The following FAT1 variants were observed in gnomAD, a reference collection of about 807,000 sequenced individuals.
FAT1 encodes FAT atypical cadherin 1, also known as protocadherin Fat 1.
A neutral mutation model predicts 329.8 loss-of-function variants in FAT1; 171 were observed. That is an observed-to-expected ratio of 0.52 (90% CI 0.46 to 0.59). The LOEUF (loss-of-function observed/expected upper bound fraction) is 0.59. FAT1 is among the 20% of genes least tolerant of loss of function. FAT1 has a pLI of 0.00. For missense variants in FAT1, 5,672 were observed against 5,774.4 expected (o/e 0.98, Z 0.57); for synonymous variants, 2,233 against 2,228.6 (o/e 1.00, Z -0.06).
rs946092065 is a variant in FAT1, at chr4:186,708,792, G to C, written c.1036C>G (p.Gln346Glu). 29 of 1,613,864 alleles carry C rather than the reference G, an allele frequency of 1.8e-5. No homozygotes were observed. The highest frequency in any genetic ancestry group is 2.2e-5 in the Non-Finnish European group (26 of 1,179,884). Residue 346 changes from glutamine to glutamate, a missense_variant, in exon 2 of 27, where the codon CAG (glutamine) becomes GAG (glutamate). By Grantham distance (29) the Gln-to-Glu change is conservative (BLOSUM62 2). Around this residue, in one of 2 missense-constraint regions of FAT1, gnomAD observed 3,966 missense variants for 3,915.2 expected, o/e 1.01. Transcript: ENST00000441802. ...TGAATGACTTTAACAGAAGAGAACT[G>C]GGGCGGAGTTCCTTTATCTTTAGCC... The part of the protein sequence containing the change: ...LQAKDKGTPP[Q>E]FSSVKVIHVT...
intron 9 of FAT1, 52 bp downstream of exon 9, chr4:186,628,102 C>T (rs1740403725): frequency 6.4e-7 from 1 of 1,563,458 alleles, no homozygotes; most frequent in African/African-American, 1.4e-5. Flanking sequence ...AAAGTAGAAA[C>T]AGACTTTTAA....
At chr4:186,695,423 T>C (rs1292566730) in intron 2 of FAT1, among the ~76,000 whole-genome samples, 4 of 152,194 alleles carry the variant, frequency 2.6e-5, no homozygotes, top group African/African-American at 9.7e-5. Flanking sequence ...TGCTTTGTTG[T>C]TCTTATTCTT....
intron 14 of FAT1, among the ~76,000 whole-genome samples, chr4:186,610,645 A>T (rs1482469635): frequency 1.1e-5 from 1 of 91,672 alleles, no homozygotes; most frequent in Non-Finnish European, 2.4e-5. Flanking sequence ...AATTTATATA[A>T]TTTATATAAA....
At chr4:186,696,085 C>A (rs1271165331) in intron 2 of FAT1, among the ~76,000 whole-genome samples, 2 of 152,224 alleles carry the variant, frequency 1.3e-5, no homozygotes, top group Middle Eastern at 3.2e-3. Flanking sequence ...GCCACAGCGC[C>A]CGGCCATAGG....
In FAT1 at chr4:186,589,038, C is replaced by T. The variant is rs780458863; in HGVS notation, c.13321G>A (p.Asp4441Asn). Reference protein sequence around the residue: ...IESDFPPPPEDFPAADELPPL... With the variant: ...IESDFPPPPENFPAADELPPL... Reference sequence around the variant, plus strand: ...GGTAGCTCATCAGCTGCGGGGAAGTCTTCTGGGGGTGGAGGAAAATCACTT... The same window carrying T: ...GGTAGCTCATCAGCTGCGGGGAAGTTTTCTGGGGGTGGAGGAAAATCACTT... The change falls in exon 27 of 27, where the codon GAC (aspartate) becomes AAC (asparagine). Residue 4441 changes from aspartate to asparagine, a missense_variant. Asp to Asn is a conservative substitution (Grantham distance 23, BLOSUM62 1). Coordinates refer to ENST00000441802, the MANE Select transcript of FAT1 (RefSeq NM_005245.4). 1 of 1,613,870 alleles carries T rather than the reference C, an allele frequency of 6.2e-7. No homozygotes were observed.
At chr4:186,622,822 G>A (rs1458285174) in intron 9 of FAT1, among the ~76,000 whole-genome samples, 1 of 152,174 alleles carries the variant, frequency 6.6e-6, no homozygotes, top group Non-Finnish European at 1.5e-5. Context: ...CACCATCCCT[G>A]TCATAGCACA....
intron 11 of FAT1, 48 bp from the exon 12 acceptor site, chr4:186,614,392 G>T (rs1410795524): frequency 4.0e-6 from 5 of 1,244,046 alleles, no homozygotes; most frequent in Non-Finnish European, 5.5e-6. Context: ...TTAACAGGCA[G>T]CACAAACATC....
rs566652221 is a variant in FAT1, at chr4:186,673,441, G to C, written c.3266-9828C>G. On this transcript the variant is annotated intron_variant, in intron 2 of 26. Transcript: ENST00000441802. ...TGACAATGGATATTCTGGCAGCTTC[G>C]ATAACTAACACTGAAGTATTTATGT... Among the ~76,000 whole-genome samples the C allele has an allele frequency of 3.3e-5, 5 of 152,110 alleles. No individual in the cohort carries two copies. In the South Asian group the frequency reaches 1.0e-3, roughly 32 times the overall value.
At chr4:186,679,318 G>A (rs1743091712) in intron 2 of FAT1, among the ~76,000 whole-genome samples, 1 of 151,518 alleles carries the variant, frequency 6.6e-6, no homozygotes, top group Non-Finnish European at 1.5e-5. Flanking sequence ...TCGGGAGGCT[G>A]AGGCAGGAGA....
At chr4:186,627,701 T>C (rs1341931725) in intron 9 of FAT1, among the ~76,000 whole-genome samples, 1 of 152,170 alleles carries the variant, frequency 6.6e-6, no homozygotes, top group Non-Finnish European at 1.5e-5. Flanking sequence ...TTTCAGCCAA[T>C]TACAATGAGA....
At chr4:186,625,842 T>A (rs1434406119) in intron 9 of FAT1, among the ~76,000 whole-genome samples, 4 of 152,226 alleles carry the variant, frequency 2.6e-5, no homozygotes, top group African/African-American at 7.2e-5. Context: ...GTGGAACTTT[T>A]ACAAGACACG....
At chr4:186,682,586 A>G (rs1743281949) in intron 2 of FAT1, among the ~76,000 whole-genome samples, 1 of 151,752 alleles carries the variant, frequency 6.6e-6, no homozygotes, top group Admixed American at 6.6e-5. Flanking sequence ...ATGCATGAAG[A>G]CAGACTTTTT....
At position 186,708,928 on chromosome 4, in the gene FAT1, G is replaced by C. The variant is rs1561011056; in HGVS notation, c.900C>G (p.Leu300=). 2.5e-6 allele frequency: 4 copies of C among 1,613,942 alleles called. No homozygotes were observed. The highest frequency in any genetic ancestry group is 3.4e-6 in the Non-Finnish European group (4 of 1,179,882). The part of the protein sequence containing the change: ...ASLSIVAGDL[L]QQFRTVRSFP... ...AGGACCTCACTGTTCTAAACTGCTG[G>C]AGAAGGTCACCTGCCACGATGCTTA... is the stretch of plus-strand genomic sequence containing the variant. The change falls in exon 2 of 27, where the codon CTC becomes CTG. Residue 300 remains leucine (L), a synonymous_variant. Transcript: ENST00000441802.
Position 186,617,119 on chromosome 4 carries a change from T to G in FAT1, c.8961A>C (p.Glu2987Asp), listed in dbSNP as rs1415520907. ...KVYVKKPLDR[E>D]KRDNYLLTIT... is the part of the protein sequence containing the mutation. ...TAGTAAGAAGGTAATTGTCCCTTTT[T>G]TCCCTGTCTAGAGGTTTCTTCACAT... The change falls in exon 11 of 27, where the codon GAA (glutamate) becomes GAC (aspartate). Residue 2987 changes from glutamate (E) to aspartate (D), a missense_variant. Around this residue, in one of 2 missense-constraint regions of FAT1, gnomAD observed 3,966 missense variants for 3,915.2 expected, o/e 1.01. Coordinates refer to ENST00000441802, the MANE Select transcript of FAT1 (RefSeq NM_005245.4). 6.2e-7 allele frequency: 1 copy of G among 1,613,998 alleles called. No individual in the cohort carries two copies. Among genetic ancestry groups the G allele is most frequent in the Admixed American group, 1.7e-5 (1 of 60,024 alleles).
In FAT1 at chr4:186,617,016, C is replaced by T. The variant is rs2126485015; in HGVS notation, c.9064G>A (p.Val3022Ile). The part of the protein sequence containing the change: ...KVLDANDNSP[V>I]CEKTLYSDTI... ...GAAGAGCTGCTTACCTTTTCACAAA[C>T]TGGACTGTTGTCATTTGCATCCAGA... The change falls in exon 11 of 27, where the codon GTT becomes ATT. Residue 3022 changes from valine to isoleucine, a missense_variant. Coordinates refer to ENST00000441802, the MANE Select transcript of FAT1 (RefSeq NM_005245.4). 6.2e-7 allele frequency: 1 copy of T among 1,611,852 alleles called. No individual in the cohort carries two copies. The highest frequency in any genetic ancestry group is 2.2e-5 in the East Asian group (1 of 44,854).
Position 186,596,279 on chromosome 4 carries a change from T to C in FAT1, c.13000+261A>G, listed in dbSNP as rs1738507391. Among the ~76,000 whole-genome samples, 2 of 152,210 alleles carry C rather than the reference T, an allele frequency of 1.3e-5. 1 individual carries two copies. The highest frequency in any genetic ancestry group is 1.3e-4 in the Admixed American group (2 of 15,286). ...ACTCAAAAAATTATAGATGAGAACC[T>C]TTATCAATTATAAAATGAAATGATC... On this transcript the variant is annotated intron_variant, in intron 25 of 26. Transcript: ENST00000441802. The surrounding 1 kb of genome is among the most constrained non-coding windows in gnomAD (Gnocchi z 4.7).
intron 3 of FAT1, among the ~76,000 whole-genome samples, chr4:186,646,864 G>C (rs957856837): frequency 6.6e-6 from 1 of 152,112 alleles, no homozygotes; most frequent in Admixed American, 6.5e-5. Context: ...AGAATTGCTG[G>C]TGTACTACTT....
chr4:186,603,150 G>A lies in FAT1; in HGVS notation c.11350+26C>T, dbSNP rs770846922. 20 of 1,609,178 alleles carry A rather than the reference G, an allele frequency of 1.2e-5. No homozygotes were observed. The Admixed American group carries it at 2.7e-4, about 21-fold the overall frequency. ...GCCGTCTGAAACCATCTGTGACACC[G>A]ACTTTCATACACTCATGTGCAGTAC... is the stretch of plus-strand genomic sequence containing the variant. On this transcript the variant is annotated intron_variant, in intron 19 of 26. Coordinates refer to ENST00000441802, the MANE Select transcript of FAT1 (RefSeq NM_005245.4).
At chr4:186,721,742 G>A (rs1396759825) in intron 1 of FAT1, among the ~76,000 whole-genome samples, 1 of 152,188 alleles carries the variant, frequency 6.6e-6, no homozygotes, top group East Asian at 1.9e-4. Flanking sequence ...TCAAAGAAAC[G>A]ACTGCTTCAA....
Sources: gnomAD v4.1 joint callset for allele counts (sites outside exome capture counted in the v4.1 genomes callset) on GRCh38, gnomAD v4.1.1 for gene constraint, gnomAD v4.1.1 regional missense constraint, Gnocchi (gnomAD v3.1) non-coding constraint, MANE v1.5 for transcripts, NCBI Gene and HGNC (gene_info 2026-07-23, HGNC 2026-07-21) for gene names.